WDPCP: variants seen among roughly 807,000 people sequenced by gnomAD.
WDPCP encodes the protein WD repeat-containing and planar cell polarity effector protein fritz homolog.
WDPCP carries 71 observed loss-of-function variants against 93.1 expected under a neutral mutation model. That is an observed-to-expected ratio of 0.76 (90% CI 0.63 to 0.93). The LOEUF (loss-of-function observed/expected upper bound fraction) is 0.93. Among genes scored for constraint, WDPCP ranks in the 40% least tolerant of loss-of-function variants. WDPCP has a pLI of 0.00. For missense variants in WDPCP, 844 were observed against 887.4 expected, an observed-to-expected ratio of 0.95 and a Z score of 0.62; for synonymous variants, 315 against 315.0, an observed-to-expected ratio of 1.00 and a Z score of 0.00.
At chr2:63,735,037 T>A (rs1185934869) in intron 2 of WDPCP, among the ~76,000 whole-genome samples, 1 of 152,234 alleles carries the variant, frequency 6.6e-6, no homozygotes, top group Admixed American at 6.5e-5. Context: ...ATTTATTCAT[T>A]AAGCAAACAT....
intron 2 of WDPCP, among the ~76,000 whole-genome samples, chr2:63,660,513 G>A (rs145657909): frequency 1.3e-5 from 2 of 152,200 alleles, no homozygotes; most frequent in East Asian, 3.9e-4. Flanking sequence ...ATTCCAACAG[G>A]CTTCCTGCCT....
At chr2:63,239,751 C>T (rs770191536) in intron 14 of WDPCP, among the ~76,000 whole-genome samples, 2 of 152,090 alleles carry the variant, frequency 1.3e-5, no homozygotes, top group Admixed American at 6.6e-5. Context: ...TCTGCTTGGG[C>T]ACTTTAATGT....
intron 2 of WDPCP, among the ~76,000 whole-genome samples, chr2:63,722,098 G>A (rs1341275476): frequency 6.6e-6 from 1 of 152,116 alleles, no homozygotes. Context: ...CCTCCCCGCC[G>A]CCTGCCTTGG....
intron 2 of WDPCP, among the ~76,000 whole-genome samples, chr2:63,489,459 A>G (rs556935088): frequency 2.0e-5 from 3 of 152,148 alleles, no homozygotes; most frequent in Non-Finnish European, 4.4e-5. Context: ...GCAATGTTCC[A>G]ATAATGAGTG....
chr2:63,133,406 A>G (rs1320761849), intron 17 of WDPCP, among the ~76,000 whole-genome samples: 2 of 152,188 alleles, frequency 1.3e-5, no homozygotes, highest in Admixed American at 6.5e-5. Flanking sequence ...GAATGTTGCA[A>G]ATAAGGTCAG....
intron 13 of WDPCP, among the ~76,000 whole-genome samples, chr2:63,291,076 G>A (rs1016680797): frequency 1.7e-4 from 26 of 152,008 alleles, no homozygotes; most frequent in African/African-American, 5.1e-4. Context: ...GTTTTCTTTA[G>A]ACTGGATACT....
intron 14 of WDPCP, among the ~76,000 whole-genome samples, chr2:63,219,931 G>A (rs1677674143): frequency 6.6e-6 from 1 of 152,060 alleles, no homozygotes; most frequent in African/African-American, 2.4e-5. Context: ...GAACCCAGGA[G>A]GCAGAGGTTG....
chr2:63,145,343 T>C (rs920242285), intron 17 of WDPCP, among the ~76,000 whole-genome samples: 1 of 150,396 alleles, frequency 6.6e-6, no homozygotes, highest in African/African-American at 2.5e-5. Flanking sequence ...ATTTGTCTTC[T>C]ACTACCAGGG....
intron 8 of WDPCP, among the ~76,000 whole-genome samples, chr2:63,436,985 C>T (rs189363692): frequency 3.9e-5 from 6 of 151,974 alleles, no homozygotes; most frequent in African/African-American, 1.4e-4. Context: ...TTGTTTATTA[C>T]ACTTTTCTAT....
chr2:63,490,087 T>C (rs1700787426), intron 2 of WDPCP, among the ~76,000 whole-genome samples: 1 of 145,840 alleles, frequency 6.9e-6, no homozygotes, highest in East Asian at 2.0e-4. Context: ...TTCAAAAATA[T>C]TAAGGTCATG....
chr2:63,321,671 T>C (rs542881010), intron 12 of WDPCP, among the ~76,000 whole-genome samples: 2 of 152,312 alleles, frequency 1.3e-5, no homozygotes, highest in South Asian at 4.1e-4. Flanking sequence ...ACTTTCTTTG[T>C]TCTGTTTAAT....
At chr2:63,571,441 G>A (rs991499048) in intron 1 of WDPCP, 1 of 466,462 alleles carries the variant, frequency 2.1e-6, no homozygotes, top group Non-Finnish European at 4.4e-6. Flanking sequence ...TCAGCCTGAA[G>A]AATTTCCTTT....
chr2:63,400,605 T>C (rs1403509071), intron 10 of WDPCP, among the ~76,000 whole-genome samples: 1 of 152,154 alleles, frequency 6.6e-6, no homozygotes, highest in Non-Finnish European at 1.5e-5. Context: ...CCCATAAAAC[T>C]ACCATTGACA....
intron 1 of WDPCP, among the ~76,000 whole-genome samples, chr2:63,527,628 A>G (rs889170560): frequency 1.3e-5 from 2 of 152,160 alleles, no homozygotes; most frequent in African/African-American, 4.8e-5. Flanking sequence ...ATTGATGGAC[A>G]TTTGGGTTGG....
intron 2 of WDPCP, among the ~76,000 whole-genome samples, chr2:63,811,443 G>A (rs1443702845): frequency 6.6e-6 from 1 of 152,140 alleles, no homozygotes; most frequent in African/African-American, 2.4e-5. Context: ...GTCTCTAGGT[G>A]CTAAGGGCAT....
intron 2 of WDPCP, among the ~76,000 whole-genome samples, chr2:63,686,814 G>C (rs1668810696): frequency 6.6e-6 from 1 of 151,572 alleles, no homozygotes; most frequent in African/African-American, 2.4e-5. Flanking sequence ...AGAACATACA[G>C]TCTCTTGAGA....
intron 10 of WDPCP, among the ~76,000 whole-genome samples, chr2:63,389,790 AG>A (rs1693064919): frequency 6.6e-6 from 1 of 152,210 alleles, no homozygotes; most frequent in South Asian, 2.1e-4. Context: ...AGATCAAAAG[AG>A]ACAAAGAAGG....
chr2:63,530,954 C>T (rs929562973), intron 1 of WDPCP, among the ~76,000 whole-genome samples: 1 of 152,222 alleles, frequency 6.6e-6, no homozygotes, highest in African/African-American at 2.4e-5. Flanking sequence ...GAAGCAGTAA[C>T]AGACAGTACA....
intron 3 of WDPCP, among the ~76,000 whole-genome samples, chr2:63,639,555 T>A (rs1464576618): frequency 1.3e-5 from 2 of 152,214 alleles, no homozygotes; most frequent in Non-Finnish European, 2.9e-5. Context: ...TTATGTTAAC[T>A]AACCCACTAC....
Sources: allele counts gnomAD v4.1 joint callset (sites outside exome capture counted in the v4.1 genomes callset), GRCh38; gene constraint gnomAD v4.1.1; transcripts MANE v1.5; gene names NCBI Gene and HGNC (gene_info 2026-07-23, HGNC 2026-07-21).